The following SPIDR variants were observed in gnomAD, a reference collection of about 807,000 sequenced individuals.
SPIDR encodes the protein scaffold protein involved in DNA repair.
A neutral mutation model predicts 104.6 loss-of-function variants in SPIDR; 93 were observed. That is an observed-to-expected ratio of 0.89 (90% CI 0.75 to 1.06). The LOEUF (loss-of-function observed/expected upper bound fraction) is 1.06, where lower values mean the gene tolerates loss of function less well. SPIDR is among the 50% of genes least tolerant of loss of function. The pLI is 0.00. For synonymous variants in SPIDR, 431 were observed against 416.9 expected (o/e 1.03, Z -0.41); for missense variants, 1,154 against 1,111.2 (o/e 1.04, Z -0.55).
At chr8:47,510,412 G>A (rs2082140083) in intron 8 of SPIDR, among the ~76,000 whole-genome samples, 2 of 152,144 alleles carry the variant, frequency 1.3e-5, no homozygotes, top group South Asian at 4.1e-4. Context: ...AGATGTCCAT[G>A]CCTGCAAGTT....
intron 5 of SPIDR, among the ~76,000 whole-genome samples, chr8:47,340,206 CT>C (rs2050480765): frequency 6.6e-6 from 1 of 151,956 alleles, no homozygotes; most frequent in Non-Finnish European, 1.5e-5. Flanking sequence ...TAAATGTGTG[CT>C]TTAGGGGCAT....
At chr8:47,476,472 G>A (rs1478659391) in intron 8 of SPIDR, among the ~76,000 whole-genome samples, 1 of 152,128 alleles carries the variant, frequency 6.6e-6, no homozygotes, top group African/African-American at 2.4e-5. Flanking sequence ...TGATAGTCCA[G>A]TTTGATTGCA....
intron 6 of SPIDR, among the ~76,000 whole-genome samples, chr8:47,401,444 C>T (rs1554662787): frequency 6.6e-6 from 1 of 152,118 alleles, no homozygotes; most frequent in Non-Finnish European, 1.5e-5. Context: ...AAATAACCAG[C>T]TAACATCATA....
intron 5 of SPIDR, among the ~76,000 whole-genome samples, chr8:47,338,682 T>C (rs1354635543): frequency 6.6e-6 from 1 of 152,240 alleles, no homozygotes; most frequent in Non-Finnish European, 1.5e-5. Context: ...GTATCTATTT[T>C]CTATCTAATG....
chr8:47,661,396 C>G (rs953130951), intron 10 of SPIDR, among the ~76,000 whole-genome samples: 1 of 152,246 alleles, frequency 6.6e-6, no homozygotes, highest in Non-Finnish European at 1.5e-5. Flanking sequence ...GCAGCCCAAG[C>G]CTTAGCTCAA....
At chr8:47,472,395 C>T (rs1252842239) in intron 8 of SPIDR, among the ~76,000 whole-genome samples, 3 of 152,148 alleles carry the variant, frequency 2.0e-5, no homozygotes, top group Non-Finnish European at 4.4e-5. Context: ...GATGAGGTGG[C>T]CACAGAGGGA....
At chr8:47,532,804 CTTCA>C (rs1211039424) in intron 8 of SPIDR, among the ~76,000 whole-genome samples, 1 of 152,202 alleles carries the variant, frequency 6.6e-6, no homozygotes, top group East Asian at 1.9e-4. Flanking sequence ...TTATAGAATA[CTTCA>C]TTCAACAGCA....
intron 5 of SPIDR, among the ~76,000 whole-genome samples, chr8:47,322,009 C>T: frequency 6.6e-6 from 1 of 152,130 alleles, no homozygotes; most frequent in East Asian, 1.9e-4. Flanking sequence ...AAAACCTAGG[C>T]AATACCATTC....
At chr8:47,726,885 T>C (rs530498878) in intron 16 of SPIDR, among the ~76,000 whole-genome samples, 3 of 152,096 alleles carry the variant, frequency 2.0e-5, no homozygotes, top group Non-Finnish European at 4.4e-5. Context: ...ATATGCAATA[T>C]GGGGAATGTT....
chr8:47,399,240 C>T lies in SPIDR; in HGVS notation c.776+2614C>T, dbSNP rs537923268. ...GGACAACTGATGGAGTTGTCTCTGTCGTGGTGAAGGGAGGCACAAATGGGG... is the reference window on the plus strand; with the variant it reads ...GGACAACTGATGGAGTTGTCTCTGTTGTGGTGAAGGGAGGCACAAATGGGG... On this transcript the variant is annotated intron_variant, in intron 6 of 19. Transcript: ENST00000297423. Among the ~76,000 whole-genome samples the T allele has an allele frequency of 4.0e-4, 61 of 152,180 alleles. 1 individual carries two copies. The South Asian group carries it at 0.012, about 30-fold the overall frequency.
chr8:47,476,892 C>A (rs1554724107), intron 8 of SPIDR, among the ~76,000 whole-genome samples: 1 of 152,028 alleles, frequency 6.6e-6, no homozygotes, highest in African/African-American at 2.4e-5. Context: ...GGTAGTGACA[C>A]CTTAGAAAAA....
intron 8 of SPIDR, among the ~76,000 whole-genome samples, chr8:47,441,635 C>G (rs1554697123): frequency 2.0e-5 from 3 of 152,040 alleles, no homozygotes; most frequent in African/African-American, 7.2e-5. Flanking sequence ...TTTTGATGAG[C>G]AGAACTTTTC....
At chr8:47,402,095 C>T (rs1554663477) in intron 6 of SPIDR, among the ~76,000 whole-genome samples, 1 of 152,170 alleles carries the variant, frequency 6.6e-6, no homozygotes, top group Non-Finnish European at 1.5e-5. Context: ...TAAAGCATTC[C>T]TCAGCAAATG....
At chr8:47,436,002 A>ATATGTTCC (rs2068240892) in intron 7 of SPIDR, among the ~76,000 whole-genome samples, 1 of 152,210 alleles carries the variant, frequency 6.6e-6, no homozygotes, top group Non-Finnish European at 1.5e-5. Context: ...AGGGAGATTA[A>ATATGTTCC]TATGTTCCTT....
intron 10 of SPIDR, among the ~76,000 whole-genome samples, chr8:47,614,664 G>C (rs1439248154): frequency 1.3e-5 from 2 of 152,202 alleles, no homozygotes; most frequent in Admixed American, 6.5e-5. Flanking sequence ...ATGCATGCAT[G>C]TATCTTCATC....
intron 8 of SPIDR, among the ~76,000 whole-genome samples, chr8:47,560,139 C>T (rs1346597129): frequency 2.0e-5 from 3 of 152,178 alleles, no homozygotes; most frequent in African/African-American, 7.2e-5. Flanking sequence ...CTGATATTAA[C>T]TCTTTGACTA....
chr8:47,507,619 G>A (rs886386021), intron 8 of SPIDR, among the ~76,000 whole-genome samples: 1 of 152,156 alleles, frequency 6.6e-6, no homozygotes, highest in Non-Finnish European at 1.5e-5. Flanking sequence ...ACTTAATTTT[G>A]GATGCTATTC....
chr8:47,680,467 G>A (rs2076958529), intron 11 of SPIDR, among the ~76,000 whole-genome samples: 1 of 152,258 alleles, frequency 6.6e-6, no homozygotes, highest in East Asian at 1.9e-4. Flanking sequence ...GCTGGAGAGG[G>A]AACCCTTAGG....
chr8:47,451,165 ATAAC>A (rs2071651049), intron 8 of SPIDR, among the ~76,000 whole-genome samples: 1 of 152,254 alleles, frequency 6.6e-6, no homozygotes. Flanking sequence ...CCATAGATAA[ATAAC>A]TAAGGGAAAT....
Sources: allele counts gnomAD v4.1 joint callset (sites outside exome capture counted in the v4.1 genomes callset), GRCh38; gene constraint gnomAD v4.1.1; transcripts MANE v1.5; gene names NCBI Gene and HGNC (gene_info 2026-07-23, HGNC 2026-07-21).